CFAP410: variants seen among roughly 807,000 people sequenced by gnomAD.
CFAP410 encodes the protein cilia and flagella associated protein 410.
In CFAP410, 27 loss-of-function variants were observed where a neutral mutation model predicts 25.7. The observed-to-expected ratio is 1.05, with a 90% confidence interval of 0.77 to 1.45. CFAP410 has a LOEUF of 1.45. CFAP410 is among the 40% of genes most tolerant of loss of function. CFAP410 has a pLI of 0.00. For missense variants in CFAP410, 428 were observed against 354.1 expected, an observed-to-expected ratio of 1.21 and a Z score of -1.67; for synonymous variants, 178 against 158.4, an observed-to-expected ratio of 1.12 and a Z score of -0.93.
chr21:44,332,360 G>T (rs1422708094), intron 4 of CFAP410: 3 of 236,110 alleles, frequency 1.3e-5, no homozygotes, highest in Non-Finnish European at 2.4e-5. Flanking sequence ...CAATTTCCCT[G>T]AAGTTTATAT....
chr21:44,332,145 C>T, intron 4 of CFAP410, 131 bp from the exon 5 acceptor site: 2 of 684,544 alleles, frequency 2.9e-6, no homozygotes, highest in South Asian at 2.1e-5. Flanking sequence ...GTATCCACCT[C>T]CAGGGACAAC....
chr21:44,330,761 G>GCA, intron 6 of CFAP410, 62 bp downstream of exon 6: 1 of 1,552,750 alleles, frequency 6.4e-7, no homozygotes, highest in Non-Finnish European at 8.7e-7. Context: ...CCTCCCCACG[G>GCA]TTTCTGTGCA....
chr21:44,335,441 C>G, intron 3 of CFAP410: 1 of 397,854 alleles, frequency 2.5e-6, no homozygotes, highest in East Asian at 4.6e-5. Context: ...GAGGGCTCCA[C>G]CACCGACTGG....
At chr21:44,338,311 A>G in intron 1 of CFAP410, 2 of 1,289,452 alleles carry the variant, frequency 1.6e-6, no homozygotes, top group Non-Finnish European at 2.0e-6. Context: ...CGGTGAGGCC[A>G]GTTGACACGG....
chr21:44,334,129 G>C (rs1215234774), intron 3 of CFAP410: 1 of 456,192 alleles, frequency 2.2e-6, no homozygotes, highest in Non-Finnish European at 4.4e-6. Context: ...GCAGCAGCGT[G>C]ATGTACCGAC....
chr21:44,330,629 CGT>C, intron 6 of CFAP410, 192 bp downstream of exon 6: 1 of 1,549,058 alleles, frequency 6.5e-7, no homozygotes, highest in Non-Finnish European at 8.7e-7. Context: ...GTGCGGGGCA[CGT>C]GTTACACGTG....
chr21:44,334,517 A>ACCCCCCCTCAACCTCTGGGCGGGCACCCG lies in CFAP410; in HGVS notation c.143+1240_143+1241insCGGGTGCCCGCCCAGAGGTTGAGGGGGGG. On this transcript the variant is annotated intron_variant, in intron 3 of 6. Coordinates refer to ENST00000339818, the MANE Select transcript of CFAP410 (RefSeq NM_004928.3). ...CCTCAACCTCTGGGCGGGCACGCGC[A>ACCCCCCCTCAACCTCTGGGCGGGCACCCG]CCCCCCCCCCCCCCCCGCTCAACCT... 2.8e-5 allele frequency: 2 copies of ACCCCCCCTCAACCTCTGGGCGGGCACCCG among 72,240 alleles called. 1 individual carries two copies. The highest frequency in any genetic ancestry group is 1.7e-4 in the South Asian group (2 of 12,034). 4.5% of individuals were successfully genotyped at this position (72,240 alleles called of 1,614,324 possible). A position where few individuals can be genotyped will look rare whatever the true frequency, so the allele number is the denominator to read the frequency against.
At chr21:44,333,475 G>T in intron 3 of CFAP410, 1 of 593,820 alleles carries the variant, frequency 1.7e-6, no homozygotes. Context: ...GGCGGACTGG[G>T]GTGGACCCCA....
At chr21:44,338,111 T>C in intron 1 of CFAP410, 1 of 392,952 alleles carries the variant, frequency 2.5e-6, no homozygotes, top group Non-Finnish European at 4.4e-6. Context: ...GTGGGAGTAC[T>C]GACCACCCCA....
chr21:44,339,233 T>G lies in CFAP410; in HGVS notation c.-39A>C. ...GCCCGACCGGCGGGCGCCCCCGGCC[T>G]CCTGATCCCGGGCGGGTGACGACTG... On this transcript the variant is annotated 5_prime_UTR_variant, in exon 1 of 7. Transcript: ENST00000339818. 2.3e-6 allele frequency: 3 copies of G among 1,323,016 alleles called. No homozygotes were observed. Among genetic ancestry groups the G allele is most frequent in the Non-Finnish European group, 2.0e-6 (2 of 1,005,592 alleles). 82.0% of individuals were successfully genotyped at this position (1,323,016 alleles called of 1,614,324 possible).
At chr21:44,338,380 G>T in intron 1 of CFAP410, 1 of 1,144,560 alleles carries the variant, frequency 8.7e-7, no homozygotes, top group Non-Finnish European at 1.2e-6. Flanking sequence ...CTCAACTCCA[G>T]GCTCCCTCTT....
At chr21:44,339,065 C>T in intron 1 of CFAP410, 53 bp downstream of exon 1, 1 of 1,183,220 alleles carries the variant, frequency 8.5e-7, no homozygotes, top group Admixed American at 3.6e-5. Flanking sequence ...GCCCTCGCCC[C>T]GCCCCGGCTC....
Position 44,338,199 on chromosome 21 carries a change from G to A in CFAP410, c.78-532C>T, listed in dbSNP as rs979071889. 7.5e-6 allele frequency: 8 copies of A among 1,064,088 alleles called. No homozygotes were observed. The African/African-American group carries it at 1.3e-4, about 18-fold the overall frequency. The allele number at this position is 1,064,088 out of a possible 1,614,324, so 65.9% of individuals were successfully genotyped here. A position where few individuals can be genotyped will look rare whatever the true frequency, so the allele number is the denominator to read the frequency against. Reference sequence around the variant, plus strand: ...AAAACACCAGATATGCCAGGGCAGAGAGAAAAGCTTTTTAATTAACAGGGA... The same window carrying A: ...AAAACACCAGATATGCCAGGGCAGAAAGAAAAGCTTTTTAATTAACAGGGA... On this transcript the variant is annotated intron_variant, in intron 1 of 6. Transcript: ENST00000339818.
Position 44,330,058 on chromosome 21 carries a change from G to T in CFAP410, c.*140C>A. On this transcript the variant is annotated 3_prime_UTR_variant, in exon 7 of 7. Coordinates refer to ENST00000339818, the MANE Select transcript of CFAP410 (RefSeq NM_004928.3). ...TAGCCAGTACCTAACACCCACTCCT[G>T]CCCTCGGCCGATGTGGCAAACCGGG... 3.1e-6 allele frequency: 3 copies of T among 961,136 alleles called. No individual in the cohort carries two copies. Among genetic ancestry groups the T allele is most frequent in the Non-Finnish European group, 4.6e-6 (3 of 650,670 alleles). The allele number at this position is 961,136 out of a possible 1,614,324, so 59.5% of individuals were successfully genotyped here.
chr21:44,331,766 A>G (rs2047651047), intron 5 of CFAP410, 77 bp downstream of exon 5: 3 of 1,379,120 alleles, frequency 2.2e-6, no homozygotes, highest in Non-Finnish European at 3.0e-6. Context: ...GCTCACGGGA[A>G]GCCCCATTCA....
At chr21:44,331,752 C>T (rs770335165) in intron 5 of CFAP410, 91 bp downstream of exon 5, 51 of 1,234,014 alleles carry the variant, frequency 4.1e-5, no homozygotes, top group Middle Eastern at 2.7e-4. Flanking sequence ...TTCCCAGAGA[C>T]GCAGCTCACG....
intron 3 of CFAP410, chr21:44,333,726 G>A: frequency 3.4e-6 from 1 of 294,570 alleles, no homozygotes; most frequent in Non-Finnish European, 6.6e-6. Context: ...CGGCAACACT[G>A]GGGATGGGCC....
In CFAP410 at chr21:44,331,859, T is replaced by C. The variant is rs1314000086; in HGVS notation, c.529A>G (p.Ser177Gly). 6.2e-7 allele frequency: 1 copy of C among 1,611,580 alleles called. No homozygotes were observed. Among genetic ancestry groups the C allele is most frequent in the South Asian group, 1.1e-5 (1 of 90,884 alleles). The change falls in exon 5 of 7, where the codon AGC becomes GGC. Residue 177 changes from serine (S) to glycine (G), a missense_variant. Ser to Gly is a moderately conservative substitution (Grantham distance 56, BLOSUM62 0). Coordinates refer to ENST00000339818, the MANE Select transcript of CFAP410 (RefSeq NM_004928.3). ...CAGCCTCACGTTGCCTCCTCCTCGC[T>C]GTCCAGCGGGTCCCGGCCAGTCTCA... Reference protein sequence around the residue: ...AAETGRDPLDSEEEATSGAQD... With the variant: ...AAETGRDPLDGEEEATSGAQD...
intron 6 of CFAP410, 174 bp downstream of exon 6, chr21:44,330,649 A>G (rs1245518051): frequency 1.3e-6 from 2 of 1,548,468 alleles, no homozygotes; most frequent in Admixed American, 2.0e-5. Flanking sequence ...GTGTGTGCGC[A>G]TTCACAGACC....
Sources: gnomAD v4.1 joint callset for allele counts on GRCh38, gnomAD v4.1.1 for gene constraint, MANE v1.5 for transcripts, NCBI Gene and HGNC (gene_info 2026-07-23, HGNC 2026-07-21) for gene names.